Variants in GRAMD4 observed in about 807,000 individuals in gnomAD.
The protein encoded by GRAMD4 is GRAM domain containing 4, also known as GRAM domain-containing protein 4.
In GRAMD4, 25 loss-of-function variants were observed where a neutral mutation model predicts 83.9. That is an observed-to-expected ratio of 0.30 (90% CI 0.22 to 0.42). GRAMD4 has a LOEUF of 0.42. GRAMD4 is among the 10% of genes least tolerant of loss of function. The pLI, the probability that GRAMD4 is intolerant of heterozygous loss-of-function variation, is 1.00. For synonymous variants in GRAMD4, 336 were observed against 320.9 expected, an observed-to-expected ratio of 1.05 and a Z score of -0.50; for missense variants, 593 against 788.7, an observed-to-expected ratio of 0.75 and a Z score of 2.97.
chr22:46,609,052 A>G (rs116731601), intron 1 of GRAMD4, among the ~76,000 whole-genome samples: 11,219 of 151,514 alleles, frequency 0.074, 716 homozygotes, highest in African/African-American at 0.18. Flanking sequence ...ACAGTGACCT[A>G]TGATTGTGCC....
At chr22:46,648,607 GGATGGATGATTGGATA>G (rs2082107348) in intron 3 of GRAMD4, among the ~76,000 whole-genome samples, 1 of 152,074 alleles carries the variant, frequency 6.6e-6, no homozygotes, top group Admixed American at 6.6e-5. Flanking sequence ...GTGGATAGAT[GGATGGATGATTGGATA>G]GATGGATGCA....
chr22:46,680,780 A>C, downstream of GRAMD4, among the ~76,000 whole-genome samples: 1 of 98,908 alleles, frequency 1.0e-5, no homozygotes, highest in Non-Finnish European at 1.9e-5. Context: ...CCATCCATCC[A>C]CCCACCCACC....
At chr22:46,645,228 G>A (rs926862398) in intron 3 of GRAMD4, among the ~76,000 whole-genome samples, 7 of 152,124 alleles carry the variant, frequency 4.6e-5, no homozygotes, top group Non-Finnish European at 1.0e-4. Flanking sequence ...TTGCAGATTA[G>A]TTGGAGTTCG....
intron 1 of GRAMD4, among the ~76,000 whole-genome samples, chr22:46,599,209 G>C (rs560977971): frequency 3.7e-4 from 56 of 152,308 alleles, no homozygotes; most frequent in African/African-American, 1.3e-3. Flanking sequence ...CCTGGGCGCA[G>C]ACAGGGCCTG....
Position 46,672,902 on chromosome 22 carries a change from C to T in GRAMD4, c.1144C>T (p.Leu382=). The T allele has an allele frequency of 6.2e-7, 1 of 1,612,266 alleles. No individual in the cohort carries two copies. Among genetic ancestry groups the T allele is most frequent in the Non-Finnish European group, 8.5e-7 (1 of 1,179,390 alleles). The change falls in exon 14 of 19, where the codon CTG becomes TTG. Residue 382 remains leucine (L), a synonymous_variant. Coordinates refer to ENST00000406902, the MANE Select transcript of GRAMD4 (RefSeq NM_015124.5). This position sits in a 1 kb window ranked among gnomAD's most constrained non-coding sequence, Gnocchi z 4.7. ...IDFIFKRCPR[L]RAKYDTPYII... ...TTTCATCTTTAAACGCTGCCCGAGG[C>T]TGCGCGCCAAGTACGACACGCCCTA...
Position 46,622,314 on chromosome 22 carries a change from A to C in GRAMD4, c.-50+1749A>C, listed in dbSNP as rs868726317. Among the ~76,000 whole-genome samples the C allele has an allele frequency of 3.9e-5, 6 of 152,258 alleles. No individual in the cohort carries two copies. The highest frequency in any genetic ancestry group is 6.8e-3 in the Middle Eastern group (2 of 294). ...GGTGGAGGCCAGCTCGGTGCCCTAC[A>C]CAGGGCCTGCAGGCCCCAGCGCCCG... On this transcript the variant is annotated intron_variant, in intron 1 of 18. Transcript: ENST00000406902. This position sits in a 1 kb window ranked among gnomAD's most constrained non-coding sequence, Gnocchi z 4.0.
intron 1 of GRAMD4, among the ~76,000 whole-genome samples, chr22:46,623,090 G>A (rs563444778): frequency 4.5e-4 from 68 of 152,190 alleles, no homozygotes; most frequent in African/African-American, 1.5e-3. Context: ...CATAGCGCCC[G>A]AGTCTCTTCA....
intron 2 of GRAMD4, among the ~76,000 whole-genome samples, chr22:46,633,597 TTGC>T (rs1368212345): frequency 6.6e-6 from 1 of 152,224 alleles, no homozygotes; most frequent in Non-Finnish European, 1.5e-5. Flanking sequence ...GTTGGCGTCC[TTGC>T]TGCTGCTGCC....
At chr22:46,610,609 C>T (rs1393063049) in intron 1 of GRAMD4, among the ~76,000 whole-genome samples, 2 of 152,198 alleles carry the variant, frequency 1.3e-5, no homozygotes, top group Non-Finnish European at 1.5e-5. Flanking sequence ...TGCAGAAACA[C>T]GTCTGGGGAA....
At chr22:46,680,805 C>CCCATCCAT (rs751195568), downstream of GRAMD4, among the ~76,000 whole-genome samples, 499 of 55,856 alleles carry the variant, frequency 8.9e-3, 9 homozygotes, top group African/African-American at 0.022. Flanking sequence ...CATTCACCTA[C>CCCATCCAT]CCATCCATCC....
chr22:46,604,244 T>G (rs1311554132), intron 1 of GRAMD4, among the ~76,000 whole-genome samples: 2 of 152,232 alleles, frequency 1.3e-5, no homozygotes, highest in Admixed American at 1.3e-4. Context: ...CTATTTGGCT[T>G]GTTTATTTTT....
chr22:46,669,144 C>T (rs566329287), intron 13 of GRAMD4, among the ~76,000 whole-genome samples: 1 of 152,118 alleles, frequency 6.6e-6, no homozygotes, highest in African/African-American at 2.4e-5. Context: ...ATGTCTCCTG[C>T]AAAGTGGGAG....
chr22:46,626,616 G>T, intron 1 of GRAMD4, 135 bp from the exon 2 acceptor site: 1 of 565,336 alleles, frequency 1.8e-6, no homozygotes, highest in Non-Finnish European at 3.1e-6. Flanking sequence ...GTGTGTGGGA[G>T]GGACGGTGGC....
intron 16 of GRAMD4, among the ~76,000 whole-genome samples, chr22:46,675,231 G>A (rs2082578421): frequency 6.6e-6 from 1 of 151,888 alleles, no homozygotes; most frequent in South Asian, 2.1e-4. Context: ...CTCACTCAGA[G>A]CAGTGGCCGT....
intron 1 of GRAMD4, among the ~76,000 whole-genome samples, chr22:46,601,493 TTTTAA>T (rs1425861760): frequency 2.0e-5 from 3 of 151,878 alleles, no homozygotes; most frequent in Non-Finnish European, 4.4e-5. Flanking sequence ...TTATTAAAAT[TTTTAA>T]TTTAATTTAA....
intron 1 of GRAMD4, among the ~76,000 whole-genome samples, chr22:46,588,122 T>A (rs991054908): frequency 8.6e-5 from 13 of 151,852 alleles, no homozygotes; most frequent in Non-Finnish European, 1.5e-4. Flanking sequence ...TCCCAGAGTC[T>A]CTCTCTAAAC....
rs1197753286 is a variant in GRAMD4 at position 46,678,668 on chromosome 22, A to G, written c.*1417A>G. On this transcript the variant is annotated 3_prime_UTR_variant, in exon 19 of 19. Coordinates refer to ENST00000406902, the MANE Select transcript of GRAMD4 (RefSeq NM_015124.5). ...AGAAACAGAAGATTCTATTTTTTACAGCGAGCAAGCTGGTTTTCTTATTTT... is the reference window on the plus strand; with the variant it reads ...AGAAACAGAAGATTCTATTTTTTACGGCGAGCAAGCTGGTTTTCTTATTTT... 3.0e-6 allele frequency: 3 copies of G among 985,628 alleles called. No homozygotes were observed. In the East Asian group the frequency reaches 3.4e-4, roughly 112 times the overall value. 61.1% of individuals were successfully genotyped at this position (985,628 alleles called of 1,614,324 possible). A position where few individuals can be genotyped will look rare whatever the true frequency, so the allele number is the denominator to read the frequency against.
At chr22:46,586,392 G>T (rs1319463284) in intron 1 of GRAMD4, among the ~76,000 whole-genome samples, 1 of 152,094 alleles carries the variant, frequency 6.6e-6, no homozygotes, top group Non-Finnish European at 1.5e-5. Flanking sequence ...CATTTGCCGG[G>T]TGATGCTGGC....
At position 46,672,823 on chromosome 22, in the gene GRAMD4, G is replaced by A. The variant is rs1350330851; in HGVS notation, c.1085-20G>A. 1 of 1,601,704 alleles carries A rather than the reference G, an allele frequency of 6.2e-7. No individual in the cohort carries two copies. The highest frequency in any genetic ancestry group is 8.5e-7 in the Non-Finnish European group (1 of 1,171,202). ...AGCTGCAGAGCTCTAGATGGAGCAGGCTGTGTCCCCTGCCCTCAGGACTCT... is the reference window on the plus strand; with the variant it reads ...AGCTGCAGAGCTCTAGATGGAGCAGACTGTGTCCCCTGCCCTCAGGACTCT... On this transcript the variant is annotated intron_variant, in intron 13 of 18. Transcript: ENST00000406902. The surrounding 1 kb of genome is among the most constrained non-coding windows in gnomAD (Gnocchi z 4.7).
Sources: allele counts gnomAD v4.1 joint callset (sites outside exome capture counted in the v4.1 genomes callset), GRCh38; gene constraint gnomAD v4.1.1; non-coding constraint Gnocchi (gnomAD v3.1); transcripts MANE v1.5; gene names NCBI Gene and HGNC (gene_info 2026-07-23, HGNC 2026-07-21).